The following CACNA1C variants were observed in gnomAD, a reference collection of about 807,000 sequenced individuals.
CACNA1C encodes voltage-dependent L-type calcium channel subunit alpha-1C.
Under a neutral mutation model 229.0 loss-of-function variants are expected in CACNA1C, and 30 were observed. The ratio of observed to expected loss-of-function variants is 0.13; its 90% CI spans 0.10 to 0.18. CACNA1C has a LOEUF of 0.18. Ranked by LOEUF, CACNA1C falls within the 10% of genes least tolerant of loss-of-function variation. The pLI, the probability that CACNA1C is intolerant of heterozygous loss-of-function variation, is 1.00. For synonymous variants in CACNA1C, 1,114 were observed against 1,132.5 expected (o/e 0.98, Z 0.33); for missense variants, 1,658 against 2,845.0 (o/e 0.58, Z 9.49).
chr12:1,979,338 G>A (rs974662552), intron 1 of CACNA1C, among the ~76,000 whole-genome samples: 7 of 151,974 alleles, frequency 4.6e-5, no homozygotes, highest in South Asian at 2.1e-4. Context: ...TCTTTGAGAC[G>A]GAGTCTGGCT....
rs147160476 is a variant in CACNA1C at position 2,503,852 on chromosome 12, T to C, written c.1114-990T>C. ...CCTTCTCTGAATACATAAACCAAAA[T>C]GATTGCCTCTCCCAGCCGGTGGCCC... On this transcript the variant is annotated intron_variant, in intron 7 of 46. Transcript: ENST00000399655. Among the ~76,000 whole-genome samples, 593 of 152,324 alleles carry C rather than the reference T, an allele frequency of 3.9e-3. 2 individuals carry two copies. The highest frequency in any genetic ancestry group is 6.4e-3 in the Non-Finnish European group (437 of 68,030).
At chr12:2,515,642 C>T (rs1042769465) in intron 9 of CACNA1C, among the ~76,000 whole-genome samples, 1 of 152,124 alleles carries the variant, frequency 6.6e-6, no homozygotes, top group Non-Finnish European at 1.5e-5. Context: ...TCTGGATGCC[C>T]GTGGTGTGAG....
intron 3 of CACNA1C, among the ~76,000 whole-genome samples, chr12:2,309,875 G>T (rs570672151): frequency 3.3e-5 from 5 of 152,298 alleles, no homozygotes; most frequent in African/African-American, 1.2e-4. Flanking sequence ...CTGTGGAGGA[G>T]ACAGCTGGAT....
chr12:2,331,136 AAT>A (rs1311042739), intron 3 of CACNA1C, among the ~76,000 whole-genome samples: 2 of 152,212 alleles, frequency 1.3e-5, no homozygotes, highest in African/African-American at 4.8e-5. Context: ...ATGATACCCT[AAT>A]AACATTTGGA....
At chr12:2,005,767 C>CA (rs1436599433) in intron 1 of CACNA1C, among the ~76,000 whole-genome samples, 5 of 152,278 alleles carry the variant, frequency 3.3e-5, no homozygotes, top group Admixed American at 2.0e-4. Flanking sequence ...CATGCACAGG[C>CA]AAAAGATCCA....
At chr12:2,195,585 CTGAA>C (rs2097374959) in intron 3 of CACNA1C, among the ~76,000 whole-genome samples, 1 of 152,164 alleles carries the variant, frequency 6.6e-6, no homozygotes, top group South Asian at 2.1e-4. Flanking sequence ...GTTGGACAAA[CTGAA>C]TGGGGGTTAG....
At chr12:2,190,824 C>T (rs901002659) in intron 3 of CACNA1C, among the ~76,000 whole-genome samples, 2 of 152,184 alleles carry the variant, frequency 1.3e-5, no homozygotes, top group Non-Finnish European at 2.9e-5. Context: ...TATTCAGGGT[C>T]TCAGAATACT....
intron 1 of CACNA1C, among the ~76,000 whole-genome samples, chr12:2,089,783 C>A (rs922046637): frequency 6.6e-6 from 1 of 152,052 alleles, no homozygotes; most frequent in Non-Finnish European, 1.5e-5. Flanking sequence ...ACCTGTAATC[C>A]CAGCACTTGG....
At chr12:2,553,383 G>A (rs1326217935) in intron 10 of CACNA1C, among the ~76,000 whole-genome samples, 1 of 152,214 alleles carries the variant, frequency 6.6e-6, no homozygotes, top group Non-Finnish European at 1.5e-5. Flanking sequence ...TACAGAATCA[G>A]AAACAGGCTC....
chr12:2,417,969 G>A (rs987752026), intron 3 of CACNA1C, among the ~76,000 whole-genome samples: 12 of 152,100 alleles, frequency 7.9e-5, no homozygotes, highest in African/African-American at 4.8e-5. Flanking sequence ...GCTCAGCAGG[G>A]ACTTCAGTGG....
intron 4 of CACNA1C, among the ~76,000 whole-genome samples, chr12:2,450,800 C>A (rs1362971154): frequency 2.6e-5 from 4 of 152,046 alleles, no homozygotes; most frequent in African/African-American, 7.2e-5. Flanking sequence ...ATCCCAGAGG[C>A]CTATTTTTGG....
chr12:2,393,319 C>G (rs757313552), intron 3 of CACNA1C, among the ~76,000 whole-genome samples: 17 of 152,228 alleles, frequency 1.1e-4, no homozygotes, highest in Non-Finnish European at 1.6e-4. Flanking sequence ...ATGTGAATGA[C>G]TGCTAGCTCT....
chr12:2,345,895 C>T (rs2096999537), intron 3 of CACNA1C, among the ~76,000 whole-genome samples: 1 of 152,182 alleles, frequency 6.6e-6, no homozygotes, highest in Admixed American at 6.5e-5. Context: ...GGCCAAATTC[C>T]AAGGTCCAGG....
intron 5 of CACNA1C, among the ~76,000 whole-genome samples, chr12:2,463,571 T>A (rs1223988722): frequency 6.6e-6 from 1 of 151,766 alleles, no homozygotes; most frequent in Non-Finnish European, 1.5e-5. Context: ...CTTTGGGGAG[T>A]GGTGATAGAG....
intron 7 of CACNA1C, among the ~76,000 whole-genome samples, chr12:2,497,464 G>A (rs2099749047): frequency 6.6e-6 from 1 of 152,178 alleles, no homozygotes; most frequent in African/African-American, 2.4e-5. Flanking sequence ...ACTAGAGGAT[G>A]TGTTTCTAGC....
chr12:2,370,306 G>A (rs2097832333), intron 3 of CACNA1C, among the ~76,000 whole-genome samples: 1 of 152,150 alleles, frequency 6.6e-6, no homozygotes, highest in South Asian at 2.1e-4. Flanking sequence ...TGCATATCAA[G>A]GTCTTTGAAA....
intron 1 of CACNA1C, among the ~76,000 whole-genome samples, chr12:2,010,528 A>T (rs2044224978): frequency 6.6e-6 from 1 of 152,182 alleles, no homozygotes; most frequent in Non-Finnish European, 1.5e-5. Context: ...TGGGGTAATT[A>T]GAGCTTTTTG....
intron 3 of CACNA1C, among the ~76,000 whole-genome samples, chr12:2,357,957 T>G: frequency 8.7e-6 from 1 of 115,210 alleles, no homozygotes; most frequent in South Asian, 2.7e-4. Context: ...GCAACAAGAG[T>G]GAAACTCAGT....
intron 3 of CACNA1C, among the ~76,000 whole-genome samples, chr12:2,316,361 C>G (rs144441190): frequency 1.3e-5 from 2 of 152,208 alleles, no homozygotes; most frequent in South Asian, 4.1e-4. Flanking sequence ...TTAAATCAGT[C>G]AGTGTATGTA....
Sources: allele counts gnomAD v4.1 joint callset (sites outside exome capture counted in the v4.1 genomes callset), GRCh38; gene constraint gnomAD v4.1.1; transcripts MANE v1.5; gene names NCBI Gene and HGNC (gene_info 2026-07-23, HGNC 2026-07-21).